CFAP54: variants seen among roughly 807,000 people sequenced by gnomAD.
The protein encoded by CFAP54 is cilia- and flagella-associated protein 54.
Under a neutral mutation model 370.4 loss-of-function variants are expected in CFAP54, and 290 were observed. The observed-to-expected ratio is 0.78, with a 90% CI of 0.71 to 0.86. The LOEUF is 0.86. Among genes scored for constraint, CFAP54 ranks in the 40% least tolerant of loss-of-function variants. The pLI is 0.00. For missense variants in CFAP54, 3,399 were observed against 3,528.7 expected, an observed-to-expected ratio of 0.96 and a Z score of 0.93; for synonymous variants, 1,206 against 1,236.5, an observed-to-expected ratio of 0.98 and a Z score of 0.52.
At chr12:96,862,065 C>T (rs1216167646) in intron 67 of CFAP54, among the ~76,000 whole-genome samples, 1 of 152,030 alleles carries the variant, frequency 6.6e-6, no homozygotes, top group Non-Finnish European at 1.5e-5. Flanking sequence ...TGGCAGTTGA[C>T]ATTTTAAAAT....
At chr12:96,592,147 T>C (rs926385528) in intron 23 of CFAP54, among the ~76,000 whole-genome samples, 27 of 151,894 alleles carry the variant, frequency 1.8e-4, no homozygotes, top group African/African-American at 6.5e-4. Flanking sequence ...AAAGAATGAG[T>C]GAGCAAAATC....
At chr12:96,697,479 C>G (rs557836652) in intron 45 of CFAP54, among the ~76,000 whole-genome samples, 1 of 152,266 alleles carries the variant, frequency 6.6e-6, no homozygotes, top group African/African-American at 2.4e-5. Context: ...ACTCAATAGA[C>G]AAGCTATTTT....
At chr12:96,532,109 T>C (rs1390834355) in intron 9 of CFAP54, among the ~76,000 whole-genome samples, 1 of 152,226 alleles carries the variant, frequency 6.6e-6, no homozygotes, top group East Asian at 1.9e-4. Flanking sequence ...TCTAATATCC[T>C]CTTTTATTTT....
At chr12:96,725,712 G>T (rs1316387242) in intron 50 of CFAP54, among the ~76,000 whole-genome samples, 1 of 152,166 alleles carries the variant, frequency 6.6e-6, no homozygotes, top group Admixed American at 6.5e-5. Flanking sequence ...CCAACACTAT[G>T]TTGAATAGGA....
intron 66 of CFAP54, among the ~76,000 whole-genome samples, chr12:96,856,868 C>T (rs1959718249): frequency 6.6e-6 from 1 of 152,170 alleles, no homozygotes. Flanking sequence ...CTGTTACCAA[C>T]TTACTGTATT....
chr12:96,554,624 T>C, intron 16 of CFAP54, 52 bp from the exon 17 acceptor site: 1 of 1,446,686 alleles, frequency 6.9e-7, no homozygotes, highest in South Asian at 1.4e-5. Flanking sequence ...CAGCTATTTT[T>C]GTGTGTTTTG....
intron 55 of CFAP54, 69 bp downstream of exon 55, chr12:96,744,215 C>T: frequency 7.3e-7 from 1 of 1,360,776 alleles, no homozygotes; most frequent in Non-Finnish European, 1.0e-6. Context: ...TTTAGGCAGG[C>T]TATCATATGA....
At chr12:96,556,749 G>A (rs1431491378) in intron 17 of CFAP54, among the ~76,000 whole-genome samples, 2 of 152,176 alleles carry the variant, frequency 1.3e-5, no homozygotes, top group African/African-American at 2.4e-5. Flanking sequence ...CATATCCTTT[G>A]CAGGAACATG....
chr12:96,627,950 A>G (rs1956564737), intron 30 of CFAP54, among the ~76,000 whole-genome samples: 1 of 152,214 alleles, frequency 6.6e-6, no homozygotes, highest in African/African-American at 2.4e-5. Context: ...TACTGTATTT[A>G]TACTGTACTT....
chr12:96,634,432 C>G (rs1433629277), intron 32 of CFAP54, among the ~76,000 whole-genome samples: 6 of 152,010 alleles, frequency 3.9e-5, no homozygotes, highest in Non-Finnish European at 7.4e-5. Flanking sequence ...TGCTCATTTT[C>G]TCATTGGATT....
At chr12:96,769,929 C>A (rs1565972151) in intron 60 of CFAP54, among the ~76,000 whole-genome samples, 1 of 152,150 alleles carries the variant, frequency 6.6e-6, no homozygotes, top group Non-Finnish European at 1.5e-5. Context: ...TGAAACAGAG[C>A]AAACCTTCCA....
intron 49 of CFAP54, 57 bp from the exon 50 acceptor site, chr12:96,720,348 A>G (rs1957734030): frequency 3.9e-6 from 5 of 1,275,130 alleles, no homozygotes; most frequent in African/African-American, 1.5e-5. Context: ...TAAAGAAGAA[A>G]GAGACAGTAT....
intron 46 of CFAP54, among the ~76,000 whole-genome samples, chr12:96,704,463 T>C (rs1334237064): frequency 2.0e-5 from 1 of 50,952 alleles, no homozygotes; most frequent in Non-Finnish European, 3.7e-5. Context: ...TATATATATA[T>C]ATATATATAT....
intron 47 of CFAP54, among the ~76,000 whole-genome samples, chr12:96,707,179 G>C (rs1283543181): frequency 6.6e-6 from 1 of 152,136 alleles, no homozygotes; most frequent in Non-Finnish European, 1.5e-5. Context: ...AGAGGAGAAA[G>C]CGTGTTTGGA....
At chr12:96,507,271 A>G (rs1379715105) in intron 4 of CFAP54, among the ~76,000 whole-genome samples, 172 bp downstream of exon 4, 3 of 152,166 alleles carry the variant, frequency 2.0e-5, no homozygotes, top group Admixed American at 2.0e-4. Flanking sequence ...ATTGGGATGG[A>G]TAAAGCATGT....
intron 1 of CFAP54, among the ~76,000 whole-genome samples, chr12:96,495,541 G>A (rs991426378): frequency 6.7e-6 from 1 of 148,374 alleles, no homozygotes; most frequent in African/African-American, 2.5e-5. Context: ...GGCTGGTCTT[G>A]AACTCCTGAC....
intron 66 of CFAP54, among the ~76,000 whole-genome samples, chr12:96,853,838 C>A (rs1959624146): frequency 1.3e-5 from 2 of 152,042 alleles, no homozygotes; most frequent in South Asian, 4.2e-4. Flanking sequence ...CACTCGTGGC[C>A]TCCATAAATA....
chr12:96,535,050 GTGTT>G (rs1955487572), intron 11 of CFAP54, among the ~76,000 whole-genome samples: 2 of 133,602 alleles, frequency 1.5e-5, no homozygotes, highest in Non-Finnish European at 3.3e-5. Flanking sequence ...GTGTGTGTGT[GTGTT>G]TATTTATTTA....
At chr12:96,722,486 G>A (rs1419290767) in intron 50 of CFAP54, among the ~76,000 whole-genome samples, 1 of 152,216 alleles carries the variant, frequency 6.6e-6, no homozygotes, top group Non-Finnish European at 1.5e-5. Context: ...GAGTGAGTGA[G>A]GGGCAGAGTT....
Sources: allele counts gnomAD v4.1 joint callset (sites outside exome capture counted in the v4.1 genomes callset), GRCh38; gene constraint gnomAD v4.1.1; transcripts MANE v1.5; gene names NCBI Gene and HGNC (gene_info 2026-07-23, HGNC 2026-07-21).